CIP2A: variants seen among roughly 807,000 people sequenced by gnomAD.
The protein encoded by CIP2A is protein CIP2A.
Under a neutral mutation model 110.9 loss-of-function variants are expected in CIP2A, and 103 were observed. The ratio of observed to expected loss-of-function variants is 0.93; its 90% CI spans 0.79 to 1.09. The LOEUF (loss-of-function observed/expected upper bound fraction) is 1.09, where lower values mean the gene tolerates loss of function less well. Among genes scored for constraint, CIP2A ranks in the 50% least tolerant of loss-of-function variants. CIP2A has a pLI of 0.00. For missense variants in CIP2A, 1,088 were observed against 1,038.4 expected (o/e 1.05, Z -0.66); for synonymous variants, 381 against 361.6 (o/e 1.05, Z -0.61).
In CIP2A at chr3:108,582,277, C is replaced by T; in HGVS notation, c.358-75G>A. 4 of 567,628 alleles carry T rather than the reference C, an allele frequency of 7.0e-6. No homozygotes were observed. The Admixed American group carries it at 1.2e-4, about 17-fold the overall frequency. The allele number at this position is 567,628 out of a possible 1,614,324, so 35.2% of individuals were successfully genotyped here. A position where few individuals can be genotyped will look rare whatever the true frequency, so the allele number is the denominator to read the frequency against. ...GCTTAAAATAATGGACTCTCAGGCA[C>T]ATTCTGAGCATGTCCTTTTCCATTT... On this transcript the variant is annotated intron_variant, in intron 3 of 20. Coordinates refer to ENST00000295746, the MANE Select transcript of CIP2A (RefSeq NM_020890.3).
At chr3:108,560,552 G>T in intron 14 of CIP2A, 97 bp downstream of exon 14, 1 of 681,560 alleles carries the variant, frequency 1.5e-6, no homozygotes, top group Non-Finnish European at 2.4e-6. Context: ...GGTTTCAATA[G>T]TGAAATCTGT....
In CIP2A at chr3:108,569,544, T is replaced by G; in HGVS notation, c.958A>C (p.Met320Leu). The G allele has an allele frequency of 6.2e-7, 1 of 1,612,770 alleles. No individual in the cohort carries two copies. The highest frequency in any genetic ancestry group is 1.3e-5 in the African/African-American group (1 of 74,912). ...CTGCCAGGTGGAGACTGTTCAAACA[T>G]CATCTGAGTGAGCATATGGCGCAGC... The part of the protein sequence containing the change: ...TQLRHMLTQM[M>L]FEQSPPGSAT... Residue 320 changes from methionine to leucine, a missense_variant, in exon 9 of 21, where the codon ATG becomes CTG. Physicochemically the swap from Met to Leu is conservative, Grantham distance 15. Coordinates refer to ENST00000295746, the MANE Select transcript of CIP2A (RefSeq NM_020890.3).
chr3:108,584,633 AT>A (rs1282569318), intron 2 of CIP2A, among the ~76,000 whole-genome samples: 1 of 152,174 alleles, frequency 6.6e-6, no homozygotes, highest in Non-Finnish European at 1.5e-5. Flanking sequence ...TTTTAAAACC[AT>A]TCTGTCACTG....
In CIP2A at chr3:108,569,407, C is replaced by G; in HGVS notation, c.1095G>C (p.Leu365Phe). 1 of 1,611,858 alleles carries G rather than the reference C, an allele frequency of 6.2e-7. No homozygotes were observed. The highest frequency in any genetic ancestry group is 8.5e-7 in the Non-Finnish European group (1 of 1,178,672). ...SENCSVLALELFKEIFEDVID... is the reference protein window; with the variant it reads ...SENCSVLALEFFKEIFEDVID... The stretch of plus-strand genomic sequence containing the variant: ...CTATTACCTCAAATATTTCCTTGAA[C>G]AACTCCAATGCTAAAACAGAACAGT... The change falls in exon 9 of 21, where the codon TTG becomes TTC. Residue 365 changes from leucine to phenylalanine, a missense_variant. Physicochemically the swap from Leu to Phe is conservative, Grantham distance 22. Coordinates refer to ENST00000295746, the MANE Select transcript of CIP2A (RefSeq NM_020890.3).
chr3:108,584,162 C>T (rs533341200), intron 2 of CIP2A, among the ~76,000 whole-genome samples: 1 of 152,246 alleles, frequency 6.6e-6, no homozygotes, highest in Non-Finnish European at 1.5e-5. Context: ...ACTATTGATT[C>T]CAATAGCAAA....
chr3:108,565,730 C>T (rs185113855), intron 11 of CIP2A, among the ~76,000 whole-genome samples: 86 of 151,768 alleles, frequency 5.7e-4, no homozygotes, highest in African/African-American at 1.9e-3. Context: ...GTAGTAGTTT[C>T]GAAACACAGT....
At position 108,563,176 on chromosome 3, in the gene CIP2A, T is replaced by G. The variant is rs1193922569; in HGVS notation, c.1584A>C (p.Gly528=). The G allele has an allele frequency of 1.2e-6, 2 of 1,612,910 alleles. No homozygotes were observed. The highest frequency in any genetic ancestry group is 2.7e-5 in the African/African-American group (2 of 74,924). The change falls in exon 13 of 21, where the codon GGA becomes GGC. Residue 528 remains glycine, a synonymous_variant. Coordinates refer to ENST00000295746, the MANE Select transcript of CIP2A (RefSeq NM_020890.3). ...TSDNREQVQS[G]LRILLEAAPL... ...GAGCAGCCTCCAATAATATTCTCAG[T>G]CCAGACTGTACTTGTTCTCTATTAT...
chr3:108,554,525 G>C (rs1479866973), intron 17 of CIP2A, 36 bp from the exon 18 acceptor site: 1 of 860,980 alleles, frequency 1.2e-6, no homozygotes, highest in East Asian at 2.6e-5. Context: ...CATCATTATG[G>C]AGGAAAACAT....
intron 8 of CIP2A, among the ~76,000 whole-genome samples, chr3:108,571,050 GCCAGGGTAATCAACA>G (rs1288118315): frequency 2.0e-5 from 3 of 151,852 alleles, no homozygotes; most frequent in Non-Finnish European, 4.4e-5. Context: ...TCTACACAGG[GCCAGGGTAATCAACA>G]CCACTTCCAC....
intron 5 of CIP2A, among the ~76,000 whole-genome samples, 192 bp downstream of exon 5, chr3:108,581,223 A>G (rs1938864937): frequency 6.6e-6 from 1 of 152,250 alleles, no homozygotes; most frequent in South Asian, 2.1e-4. Context: ...ACAGTCTTCA[A>G]TACAACATAC....
At position 108,582,970 on chromosome 3, in the gene CIP2A, T is replaced by C; in HGVS notation, c.357+7A>G. On this transcript the variant is annotated splice_region_variant and intron_variant, in intron 3 of 20. Coordinates refer to ENST00000295746, the MANE Select transcript of CIP2A (RefSeq NM_020890.3). ...GAAAGGGGAATACACTGTGTGGGTC[T>C]GTATACCTGCAAAAACACCGAATCA... 5 of 1,580,866 alleles carry C rather than the reference T, an allele frequency of 3.2e-6. No individual in the cohort carries two copies. Among genetic ancestry groups the C allele is most frequent in the South Asian group, 1.1e-5 (1 of 89,116 alleles).
chr3:108,571,358 CAT>C (rs1355580361), intron 8 of CIP2A, among the ~76,000 whole-genome samples: 5 of 152,140 alleles, frequency 3.3e-5, no homozygotes, highest in East Asian at 3.8e-4. Flanking sequence ...ACCACAAACA[CAT>C]GTGATGCATT....
At chr3:108,587,588 TCTTCA>T (rs1306245535) in intron 1 of CIP2A, among the ~76,000 whole-genome samples, 2 of 152,186 alleles carry the variant, frequency 1.3e-5, no homozygotes, top group African/African-American at 2.4e-5. Context: ...ACTATCAAAC[TCTTCA>T]CTTAAGATTA....
At position 108,586,623 on chromosome 3, in the gene CIP2A, G is replaced by T. The variant is rs147427136; in HGVS notation, c.103-1411C>A. On this transcript the variant is annotated intron_variant, in intron 1 of 20. Coordinates refer to ENST00000295746, the MANE Select transcript of CIP2A (RefSeq NM_020890.3). Reference sequence around the variant, plus strand: ...ATCGATCTAGGCACTTTACATATGTGAACTCTTTTCATCTTCATAATAACT... The same window carrying T: ...ATCGATCTAGGCACTTTACATATGTTAACTCTTTTCATCTTCATAATAACT... 1.8e-3 allele frequency among the ~76,000 whole-genome samples: 279 copies of T among 152,222 alleles called. 1 individual carries two copies. The highest frequency in any genetic ancestry group is 6.5e-3 in the African/African-American group (269 of 41,534).
rs771703365 is a variant in CIP2A, at chr3:108,563,249, A to T, written c.1516-5T>A. On this transcript the variant is annotated splice_polypyrimidine_tract_variant and splice_region_variant and intron_variant, in intron 12 of 20. Coordinates refer to ENST00000295746, the MANE Select transcript of CIP2A (RefSeq NM_020890.3). ...AGGAGTAATCAAACGTGGGTCCTAA[A>T]TAAATCAGAAACCAAAAAAGAAGCA... The T allele has an allele frequency of 1.3e-6, 2 of 1,557,684 alleles. No individual in the cohort carries two copies. The highest frequency in any genetic ancestry group is 3.4e-5 in the Admixed American group (2 of 59,322).
At chr3:108,575,421 C>G (rs1367802562) in intron 8 of CIP2A, among the ~76,000 whole-genome samples, 1 of 94,512 alleles carries the variant, frequency 1.1e-5, no homozygotes, top group African/African-American at 3.0e-5. Context: ...TATACATATA[C>G]ATGTATACAT....
intron 10 of CIP2A, 102 bp from the exon 11 acceptor site, chr3:108,566,740 G>A: frequency 1.5e-6 from 1 of 656,178 alleles, no homozygotes; most frequent in East Asian, 3.2e-5. Context: ...CTGTCATCCA[G>A]TATAATTATT....
At chr3:108,555,550 T>C (rs769038561) in intron 17 of CIP2A, among the ~76,000 whole-genome samples, 12 of 152,164 alleles carry the variant, frequency 7.9e-5, no homozygotes, top group Non-Finnish European at 1.5e-4. Flanking sequence ...ACCAGATCCA[T>C]TGACAAGTAG....
chr3:108,553,505 T>C (rs758956173), intron 19 of CIP2A, 143 bp downstream of exon 19: 10 of 708,888 alleles, frequency 1.4e-5, no homozygotes, highest in Non-Finnish European at 2.2e-5. Flanking sequence ...TGTGAAACAT[T>C]ATGTCAAGAA....
Sources: gnomAD v4.1 joint callset for allele counts (sites outside exome capture counted in the v4.1 genomes callset) on GRCh38, gnomAD v4.1.1 for gene constraint, MANE v1.5 for transcripts, NCBI Gene and HGNC (gene_info 2026-07-23, HGNC 2026-07-21) for gene names.